Variants in ZC3H14 observed in about 807,000 individuals in gnomAD.
ZC3H14 encodes zinc finger CCCH domain-containing protein 14.
A neutral mutation model predicts 92.4 loss-of-function variants in ZC3H14; 31 were observed. The observed-to-expected ratio is 0.34, with a 90% CI of 0.25 to 0.45. The LOEUF is 0.45. Ranked by LOEUF, ZC3H14 falls within the 20% of genes least tolerant of loss-of-function variation. The pLI is 1.00. For synonymous variants in ZC3H14, 321 were observed against 300.9 expected (o/e 1.07, Z -0.69); for missense variants, 781 against 897.3 (o/e 0.87, Z 1.66).
intron 9 of ZC3H14, chr14:88,589,245 A>G (rs1485686120): frequency 6.6e-6 from 1 of 152,182 alleles, no homozygotes; most frequent in African/African-American, 2.4e-5. Flanking sequence ...TTGCAGTTGT[A>G]GAGGAATTTC....
chr14:88,596,661 T>C (rs77518474), intron 9 of ZC3H14, 73 bp from the exon 10 acceptor site: 3 of 1,303,574 alleles, frequency 2.3e-6, no homozygotes, highest in Middle Eastern at 1.8e-4. Context: ...CCCAGAAGGA[T>C]TGATTTTTGG....
chr14:88,603,005 G>A lies in ZC3H14; in HGVS notation c.1692G>A (p.Gln564=). 1.2e-6 allele frequency: 2 copies of A among 1,614,166 alleles called. No homozygotes were observed. The highest frequency in any genetic ancestry group is 8.5e-7 in the Non-Finnish European group (1 of 1,180,032). ...NKGLRGLLHP[Q]QLHLLSRQLE... ...GACTCAGAGGTCTCCTCCACCCACA[G>A]CAGTTGCACTTGCTGAGCAGGCAGC... Residue 564 remains glutamine (Q), a synonymous_variant, in exon 12 of 17, where the codon CAG becomes CAA. Coordinates refer to ENST00000251038, the MANE Select transcript of ZC3H14 (RefSeq NM_024824.5).
chr14:88,577,367 A>G lies in ZC3H14; in HGVS notation c.1124-618A>G, dbSNP rs184287172. Among the ~76,000 whole-genome samples, 162 of 152,312 alleles carry G rather than the reference A, an allele frequency of 1.1e-3. 2 individuals are homozygous for G. The East Asian group carries it at 0.023, about 22-fold the overall frequency. Reference sequence around the variant, plus strand: ...TAAATTACAATTTGAAACTCATATAAGATCATGAAGCTAAGCTTAAATAAA... The same window carrying G: ...TAAATTACAATTTGAAACTCATATAGGATCATGAAGCTAAGCTTAAATAAA... On this transcript the variant is annotated intron_variant, in intron 8 of 16. Coordinates refer to ENST00000251038, the MANE Select transcript of ZC3H14 (RefSeq NM_024824.5).
intron 9 of ZC3H14, among the ~76,000 whole-genome samples, chr14:88,584,067 A>C (rs200168465): frequency 0.61 from 92,656 of 151,564 alleles, 30,126 homozygotes; most frequent in Non-Finnish European, 0.74. Flanking sequence ...ACCCTCTGCA[A>C]AAAAGATGTT....
chr14:88,572,988 C>T lies in ZC3H14; in HGVS notation c.842C>T (p.Ser281Leu), dbSNP rs202134673. 2.1e-5 allele frequency: 34 copies of T among 1,613,948 alleles called. No individual in the cohort carries two copies. Among genetic ancestry groups the T allele is most frequent in the South Asian group, 2.0e-4 (18 of 91,036 alleles). ...ETYSPFFRNN[S>L]EKMSMEDENF... ...TATAGTCCGTTCTTTAGAAACAACT[C>T]GGAGAAAATGAGTATGGAGGTTTGT... Residue 281 changes from serine (S) to leucine (L), a missense_variant, in exon 6 of 17, where the codon TCG becomes TTG. Transcript: ENST00000251038.
Position 88,607,335 on chromosome 14 carries a change from G to C in ZC3H14, c.1840G>C (p.Ala614Pro), listed in dbSNP as rs1217299295. ...TGCTTGTAAAAATGGGGATGAGTGT[G>C]CCTACCATCACCCCATCTCACCCTG... ...WPACKNGDEC[A>P]YHHPISPCKA... The change falls in exon 13 of 17, where the codon GCC becomes CCC. Residue 614 changes from alanine to proline, a missense_variant. Ala to Pro is a conservative substitution (Grantham distance 27). This residue lies in a region of ZC3H14 where 221 missense variants were observed against 304.7 expected (regional missense o/e 0.73). Coordinates refer to ENST00000251038, the MANE Select transcript of ZC3H14 (RefSeq NM_024824.5). The C allele has an allele frequency of 6.2e-7, 1 of 1,613,594 alleles. No individual in the cohort carries two copies. The highest frequency in any genetic ancestry group is 1.3e-5 in the African/African-American group (1 of 74,724).
Position 88,616,710 on chromosome 14 carries a change from C to A in ZC3H14, c.*4959C>A. 1 of 1,605,660 alleles carries A rather than the reference C, an allele frequency of 6.2e-7. No homozygotes were observed. The highest frequency in any genetic ancestry group is 8.5e-7 in the Non-Finnish European group (1 of 1,175,254). Reference sequence around the variant, plus strand: ...TTAGGAGTAAACTGATAATAGTAAACAAAACACAAACTTACAAATTTTTCT... The same window carrying A: ...TTAGGAGTAAACTGATAATAGTAAAAAAAACACAAACTTACAAATTTTTCT... On this transcript the variant is annotated 3_prime_UTR_variant, in exon 17 of 17. Transcript: ENST00000251038.
Position 88,620,978 on chromosome 14 carries a change from A to C in ZC3H14, c.*9227A>C, listed in dbSNP as rs2088813410. 1 of 1,472,470 alleles carries C rather than the reference A, an allele frequency of 6.8e-7. No homozygotes were observed. The highest frequency in any genetic ancestry group is 9.0e-7 in the Non-Finnish European group (1 of 1,114,942). 91.2% of individuals were successfully genotyped at this position (1,472,470 alleles called of 1,614,324 possible). A position where few individuals can be genotyped will look rare whatever the true frequency, so the allele number is the denominator to read the frequency against. Reference sequence around the variant, plus strand: ...AGTCATAGGAAACATTAAGTGAAGTACTTCTAAATTATACCAGTTTCCCCT... The same window carrying C: ...AGTCATAGGAAACATTAAGTGAAGTCCTTCTAAATTATACCAGTTTCCCCT... On this transcript the variant is annotated 3_prime_UTR_variant, in exon 17 of 17. Transcript: ENST00000251038. This position sits in a 1 kb window ranked among gnomAD's most constrained non-coding sequence, Gnocchi z 4.3.
At chr14:88,597,408 AAC>A (rs2083986451) in intron 10 of ZC3H14, among the ~76,000 whole-genome samples, 1 of 152,150 alleles carries the variant, frequency 6.6e-6, no homozygotes, top group South Asian at 2.1e-4. Flanking sequence ...CTGCAGGATA[AAC>A]ACAGGCAACC....
At position 88,566,028 on chromosome 14, in the gene ZC3H14, G is replaced by GCCGCC. The variant is rs1295689343; in HGVS notation, c.80-2009_80-2008insGCCCC. ...GATTACAGGCACCTGCCACCACCCCGCCCCCCCCCCCCGGCTAATTTTTGT... is the reference window on the plus strand; with the variant it reads ...GATTACAGGCACCTGCCACCACCCCGCCGCCCCCCCCCCCCCCGGCTAATTTTTGT... On this transcript the variant is annotated intron_variant, in intron 2 of 16. Coordinates refer to ENST00000251038, the MANE Select transcript of ZC3H14 (RefSeq NM_024824.5). 2.2e-3 allele frequency among the ~76,000 whole-genome samples: 6 copies of GCCGCC among 2,710 alleles called. 1 individual carries two copies. Among genetic ancestry groups the GCCGCC allele is most frequent in the Non-Finnish European group, 5.4e-3 (5 of 930 alleles). 1.8% of individuals were successfully genotyped at this position (2,710 alleles called of 152,430 possible). A position where few individuals can be genotyped will look rare whatever the true frequency, so the allele number is the denominator to read the frequency against.
chr14:88,618,660 C>A lies in ZC3H14; in HGVS notation c.*6909C>A. ...GTATTGGTACTGTACCTGGAGATAACTGCTATCTGCAGAGAAGTCCATTTG... is the reference window on the plus strand; with the variant it reads ...GTATTGGTACTGTACCTGGAGATAAATGCTATCTGCAGAGAAGTCCATTTG... On this transcript the variant is annotated 3_prime_UTR_variant, in exon 17 of 17. Coordinates refer to ENST00000251038, the MANE Select transcript of ZC3H14 (RefSeq NM_024824.5). 3 of 1,612,732 alleles carry A rather than the reference C, an allele frequency of 1.9e-6. No homozygotes were observed. The highest frequency in any genetic ancestry group is 2.5e-6 in the Non-Finnish European group (3 of 1,179,420).
intron 16 of ZC3H14, among the ~76,000 whole-genome samples, chr14:88,611,240 C>CTCAGCCTCCCACT (rs11268925): frequency 0.95 from 144,138 of 152,086 alleles, 68,654 homozygotes; most frequent in Non-Finnish European, 1. Context: ...ATCCTCCCAC[C>CTCAGCCTCCCACT]TGTAGCTGAG....
At chr14:88,564,410 G>A (rs1407557516) in intron 2 of ZC3H14, among the ~76,000 whole-genome samples, 1 of 152,206 alleles carries the variant, frequency 6.6e-6, no homozygotes, top group Non-Finnish European at 1.5e-5. Context: ...CTTTGACTGT[G>A]TAAACAAGGA....
rs1362400535 is a variant in ZC3H14, at chr14:88,572,071, A to G, written c.277A>G (p.Ser93Gly). Residue 93 changes from serine to glycine, a missense_variant, in exon 5 of 17, where the codon AGT (serine) becomes GGT (glycine). By Grantham distance (56) the Ser-to-Gly change is moderately conservative (BLOSUM62 0). Around this residue, in one of 3 missense-constraint regions of ZC3H14, gnomAD observed 106 missense variants for 154.2 expected, o/e 0.69. Coordinates refer to ENST00000251038, the MANE Select transcript of ZC3H14 (RefSeq NM_024824.5). ...GTCTTCTGATACCAACATCTTTGAT[A>G]GTAACGTGCCTTCAAACAAGAGCAA... ...LKSSDTNIFD[S>G]NVPSNKSNFS... The G allele has an allele frequency of 3.1e-6, 5 of 1,614,208 alleles. No homozygotes were observed. The highest frequency in any genetic ancestry group is 1.1e-5 in the South Asian group (1 of 91,090).
intron 7 of ZC3H14, among the ~76,000 whole-genome samples, chr14:88,575,596 A>T (rs1015621186): frequency 1.3e-5 from 2 of 151,974 alleles, no homozygotes; most frequent in African/African-American, 4.8e-5. Context: ...GGAGAGGTGG[A>T]TGTGGAAGCA....
At chr14:88,570,300 C>A (rs1004504948) in intron 3 of ZC3H14, among the ~76,000 whole-genome samples, 1 of 152,078 alleles carries the variant, frequency 6.6e-6, no homozygotes, top group African/African-American at 2.4e-5. Flanking sequence ...GACTAGGGTT[C>A]TCATTGAAAC....
chr14:88,597,496 C>T (rs1268451158), intron 10 of ZC3H14, among the ~76,000 whole-genome samples: 2 of 152,188 alleles, frequency 1.3e-5, no homozygotes, highest in Non-Finnish European at 2.9e-5. Context: ...GGTCCCTAGA[C>T]CCCTCTCAGT....
intron 10 of ZC3H14, 117 bp from the exon 11 acceptor site, chr14:88,601,807 A>AT: frequency 1.6e-6 from 2 of 1,262,526 alleles, no homozygotes; most frequent in Non-Finnish European, 2.2e-6. Flanking sequence ...ACCAGTTGTG[A>AT]TTTTCCTTTG....
At position 88,617,026 on chromosome 14, in the gene ZC3H14, C is replaced by T. The variant is rs2087743040; in HGVS notation, c.*5275C>T. ...AAATTATGGTAAGTTGTTTGGAGAC[C>T]TGAATTTCATCAGGATATCAACTCC... On this transcript the variant is annotated 3_prime_UTR_variant, in exon 17 of 17. Transcript: ENST00000251038. The T allele has an allele frequency of 3.3e-6, 2 of 606,872 alleles. No homozygotes were observed. The highest frequency in any genetic ancestry group is 5.4e-6 in the Non-Finnish European group (2 of 372,044). The allele number at this position is 606,872 out of a possible 1,614,324, so 37.6% of individuals were successfully genotyped here. A position where few individuals can be genotyped will look rare whatever the true frequency, so the allele number is the denominator to read the frequency against.
Sources: gnomAD v4.1 joint callset for allele counts (sites outside exome capture counted in the v4.1 genomes callset) on GRCh38, gnomAD v4.1.1 for gene constraint, gnomAD v4.1.1 regional missense constraint, Gnocchi (gnomAD v3.1) non-coding constraint, MANE v1.5 for transcripts, NCBI Gene and HGNC (gene_info 2026-07-23, HGNC 2026-07-21) for gene names.